The following RARS2 variants were observed in gnomAD, a reference collection of about 807,000 sequenced individuals.
RARS2 encodes arginyl-tRNA synthetase 2, mitochondrial.
RARS2 carries 67 observed loss-of-function variants against 88.5 expected under a neutral mutation model. That is an observed-to-expected ratio of 0.76 (90% confidence interval 0.62 to 0.93). The LOEUF (loss-of-function observed/expected upper bound fraction) is 0.93, where lower values mean the gene tolerates loss of function less well. RARS2 is among the 40% of genes least tolerant of loss of function. RARS2 has a pLI of 0.00. For synonymous variants in RARS2, 239 were observed against 230.3 expected (o/e 1.04, Z -0.34); for missense variants, 664 against 684.2 (o/e 0.97, Z 0.33).
At chr6:87,546,193 T>G (rs1435253022) in intron 6 of RARS2, among the ~76,000 whole-genome samples, 1 of 152,180 alleles carries the variant, frequency 6.6e-6, no homozygotes, top group Non-Finnish European at 1.5e-5. Context: ...GCCTTCACTT[T>G]CCCATACTGC....
At chr6:87,561,941 C>T (rs949546523) in intron 4 of RARS2, among the ~76,000 whole-genome samples, 7 of 152,070 alleles carry the variant, frequency 4.6e-5, no homozygotes, top group African/African-American at 1.7e-4. Flanking sequence ...TTGTTAATTG[C>T]AATAAAGCTT....
intron 1 of RARS2, among the ~76,000 whole-genome samples, chr6:87,576,830 C>A: frequency 6.6e-6 from 1 of 152,004 alleles, no homozygotes; most frequent in African/African-American, 2.4e-5. Context: ...GGATAAGTTG[C>A]TAAATTTTGA....
intron 10 of RARS2, among the ~76,000 whole-genome samples, chr6:87,528,711 T>C (rs1296619190): frequency 6.6e-6 from 1 of 152,084 alleles, no homozygotes; most frequent in African/African-American, 2.4e-5. Context: ...AGAAGTAGAA[T>C]GGAGGTTACC....
rs189187635 is a variant in RARS2, at chr6:87,558,625, C to T, written c.298-3120G>A. 2.5e-3 allele frequency among the ~76,000 whole-genome samples: 379 copies of T among 152,258 alleles called. 2 individuals are homozygous for T. Among genetic ancestry groups the T allele is most frequent in the African/African-American group, 8.8e-3 (365 of 41,548 alleles). ...GAGCTGAAAAATTCTTATCACTCAG[C>T]AATGTTGCAGCAGGTCATAATGCCT... On this transcript the variant is annotated intron_variant, in intron 4 of 19. Coordinates refer to ENST00000369536, the MANE Select transcript of RARS2 (RefSeq NM_020320.5).
intron 1 of RARS2, among the ~76,000 whole-genome samples, chr6:87,577,121 G>T (rs1771817847): frequency 6.6e-6 from 1 of 152,126 alleles, no homozygotes; most frequent in South Asian, 2.1e-4. Context: ...GGTATCAGAA[G>T]AAAAAATGTG....
Position 87,518,737 on chromosome 6 carries a change from G to A in RARS2, c.1308C>T (p.Asp436=), listed in dbSNP as rs1185204984. ...RVGLAALIIQ[D]FKGLLLSDYK... ...AGTCAGATAAGAGTAAACCTTTGAA[G>A]TCCTAAAACGACAGAGGAAATCTTC... The change falls in exon 16 of 20, where the codon GAC becomes GAT. Residue 436 remains aspartate, a splice_region_variant and synonymous_variant. Transcript: ENST00000369536. 6.2e-7 allele frequency: 1 copy of A among 1,613,696 alleles called. No individual in the cohort carries two copies. Among genetic ancestry groups the A allele is most frequent in the African/African-American group, 1.3e-5 (1 of 74,906 alleles).
chr6:87,560,881 T>G (rs1050103837), intron 4 of RARS2, among the ~76,000 whole-genome samples: 3 of 151,982 alleles, frequency 2.0e-5, no homozygotes, highest in Non-Finnish European at 1.5e-5. Context: ...AGAGCAAAAC[T>G]CCGTCTCAAA....
chr6:87,576,404 G>C lies in RARS2; in HGVS notation c.37-6814C>G, dbSNP rs1289367045. Among the ~76,000 whole-genome samples, 2 of 107,666 alleles carry C rather than the reference G, an allele frequency of 1.9e-5. 1 individual carries two copies. The highest frequency in any genetic ancestry group is 7.2e-5 in the African/African-American group (2 of 27,860). 70.6% of individuals were successfully genotyped at this position (107,666 alleles called of 152,430 possible). On this transcript the variant is annotated intron_variant, in intron 1 of 19. Coordinates refer to ENST00000369536, the MANE Select transcript of RARS2 (RefSeq NM_020320.5). ...CCATTCTCCTGCCTCAGCCTCCCGA[G>C]TAGCTGGGACTACAGGCGCCCGCTA...
At chr6:87,580,977 T>C (rs930705319) in intron 1 of RARS2, among the ~76,000 whole-genome samples, 1 of 152,146 alleles carries the variant, frequency 6.6e-6, no homozygotes, top group Admixed American at 6.6e-5. Flanking sequence ...TCTAATATAA[T>C]AGAATCTTTG....
At chr6:87,574,482 T>C (rs980055946) in intron 1 of RARS2, among the ~76,000 whole-genome samples, 2 of 151,790 alleles carry the variant, frequency 1.3e-5, no homozygotes, top group South Asian at 2.1e-4. Flanking sequence ...TGCAAACAAA[T>C]GGAAAGCTGG....
At chr6:87,584,638 G>T in intron 1 of RARS2, 1 of 424,860 alleles carries the variant, frequency 2.4e-6, no homozygotes, top group Non-Finnish European at 4.7e-6. Context: ...TCCATGGTAA[G>T]CAGGTCTATA....
intron 19 of RARS2, among the ~76,000 whole-genome samples, chr6:87,514,721 T>C (rs1770952810): frequency 6.6e-6 from 1 of 152,234 alleles, no homozygotes; most frequent in Admixed American, 6.5e-5. Context: ...TTATACAGTA[T>C]GGCTTCAGAT....
intron 8 of RARS2, 38 bp downstream of exon 8, chr6:87,541,880 C>T (rs1781095749): frequency 6.8e-7 from 1 of 1,472,424 alleles, no homozygotes; most frequent in South Asian, 1.1e-5. Context: ...CTACATAGTA[C>T]TCTGAAAAAT....
chr6:87,562,849 C>G (rs950008511), intron 3 of RARS2, 64 bp from the exon 4 acceptor site: 4 of 1,284,094 alleles, frequency 3.1e-6, no homozygotes, highest in Admixed American at 1.7e-5. Context: ...ATAGGTAGTT[C>G]TAATGCTATT....
chr6:87,527,945 T>C (rs1337453376), intron 10 of RARS2, among the ~76,000 whole-genome samples: 3 of 150,672 alleles, frequency 2.0e-5, no homozygotes, highest in African/African-American at 4.9e-5. Flanking sequence ...TCAGGAAAAA[T>C]AGGTAATGGA....
chr6:87,586,790 A>G (rs1406458485), intron 1 of RARS2, among the ~76,000 whole-genome samples: 1 of 152,198 alleles, frequency 6.6e-6, no homozygotes, highest in Non-Finnish European at 1.5e-5. Context: ...TGGGACCACA[A>G]GTGTTTCAAC....
intron 4 of RARS2, among the ~76,000 whole-genome samples, chr6:87,556,247 G>A (rs919452459): frequency 3.3e-5 from 5 of 152,108 alleles, no homozygotes; most frequent in African/African-American, 7.2e-5. Flanking sequence ...TGTTAATGGT[G>A]ATGAACTTTT....
intron 6 of RARS2, among the ~76,000 whole-genome samples, chr6:87,546,621 T>C (rs1025965095): frequency 6.6e-6 from 1 of 152,224 alleles, no homozygotes; most frequent in Non-Finnish European, 1.5e-5. Flanking sequence ...GCTCCCTTGA[T>C]GACAAGGTTC....
intron 5 of RARS2, among the ~76,000 whole-genome samples, chr6:87,555,040 C>T (rs1169285543): frequency 4.6e-5 from 7 of 151,640 alleles, no homozygotes; most frequent in African/African-American, 7.3e-5. Flanking sequence ...GGAGGTGGAG[C>T]TTGCAGTGAG....
Sources: allele counts gnomAD v4.1 joint callset (sites outside exome capture counted in the v4.1 genomes callset), GRCh38; gene constraint gnomAD v4.1.1; transcripts MANE v1.5; gene names NCBI Gene and HGNC (gene_info 2026-07-23, HGNC 2026-07-21).